The following PRR11 variants were observed in gnomAD, a reference collection of about 807,000 sequenced individuals.
PRR11 encodes proline rich 11.
PRR11 carries 30 observed loss-of-function variants against 45.6 expected under a neutral mutation model. The ratio of observed to expected loss-of-function variants is 0.66; its 90% CI spans 0.49 to 0.89. The LOEUF (loss-of-function observed/expected upper bound fraction) is 0.89. Ranked by LOEUF, PRR11 falls within the 40% of genes least tolerant of loss-of-function variation. The pLI is 0.00. For synonymous variants in PRR11, 128 were observed against 153.5 expected (o/e 0.83, Z 1.23); for missense variants, 373 against 424.8 (o/e 0.88, Z 1.07).
chr17:59,175,192 C>G, intron 2 of PRR11: 1 of 479,408 alleles, frequency 2.1e-6, no homozygotes, highest in Non-Finnish European at 3.9e-6. Flanking sequence ...CTGAGGTCAG[C>G]TTCCCAGAGA....
intron 2 of PRR11, 50 bp downstream of exon 2, chr17:59,169,930 TAAGATA>T: frequency 6.5e-7 from 1 of 1,527,794 alleles, no homozygotes; most frequent in Non-Finnish European, 8.8e-7. Flanking sequence ...CTGATCAGTT[TAAGATA>T]GAGTTTCAGA....
chr17:59,165,401 A>G, intron 1 of PRR11, among the ~76,000 whole-genome samples: 1 of 152,114 alleles, frequency 6.6e-6, no homozygotes, highest in Non-Finnish European at 1.5e-5. Context: ...CAGTGGCACA[A>G]TAATAGTTCA....
At chr17:59,172,545 G>A (rs926144370) in intron 2 of PRR11, among the ~76,000 whole-genome samples, 4 of 152,242 alleles carry the variant, frequency 2.6e-5, no homozygotes, top group African/African-American at 9.6e-5. Flanking sequence ...GGCGGGAACC[G>A]GGGCTGCGCG....
chr17:59,176,542 G>A (rs2046746791), intron 2 of PRR11, among the ~76,000 whole-genome samples: 1 of 152,050 alleles, frequency 6.6e-6, no homozygotes, highest in Non-Finnish European at 1.5e-5. Flanking sequence ...GAGAGAGACA[G>A]AAGAACCAGA....
rs10221241 is a variant in PRR11 at position 59,176,175 on chromosome 17, G to A, written c.128+6295G>A. On this transcript the variant is annotated intron_variant, in intron 2 of 9. Transcript: ENST00000262293. ...GGACACCCAGACAGAAAACACAAAC[G>A]CAAAGTCGAGTGGAGGGCATTTGGA... Among the ~76,000 whole-genome samples the A allele has an allele frequency of 3.3e-5, 5 of 152,110 alleles. 1 individual carries two copies. Among genetic ancestry groups the A allele is most frequent in the African/African-American group, 7.2e-5 (3 of 41,416 alleles).
rs1290991251 is a variant in PRR11, at chr17:59,206,103, A to T, written c.*4472A>T. Among the ~76,000 whole-genome samples the T allele has an allele frequency of 6.6e-6, 1 of 152,120 alleles. No homozygotes were observed. The highest frequency in any genetic ancestry group is 1.5e-5 in the Non-Finnish European group (1 of 68,022). Reference sequence around the variant, plus strand: ...GCTTTATGGCCCAGTGCAGTGGCTCACACCTATAATCCTAGCACTTTGGGA... The same window carrying T: ...GCTTTATGGCCCAGTGCAGTGGCTCTCACCTATAATCCTAGCACTTTGGGA... On this transcript the variant is annotated 3_prime_UTR_variant, in exon 10 of 10. Transcript: ENST00000262293.
chr17:59,196,254 A>C (rs551274798), intron 7 of PRR11, among the ~76,000 whole-genome samples: 1 of 152,196 alleles, frequency 6.6e-6, no homozygotes, highest in Non-Finnish European at 1.5e-5. Flanking sequence ...GGGAAAAACT[A>C]TATCTACAAT....
chr17:59,182,114 G>T (rs148908510), intron 2 of PRR11, among the ~76,000 whole-genome samples: 2 of 150,426 alleles, frequency 1.3e-5, no homozygotes, highest in Non-Finnish European at 3.0e-5. Flanking sequence ...TGCAACATCT[G>T]TCTCCCGGAT....
chr17:59,157,707 C>T (rs1330797701), intron 1 of PRR11, among the ~76,000 whole-genome samples: 1 of 150,352 alleles, frequency 6.7e-6, no homozygotes, highest in Non-Finnish European at 1.5e-5. Context: ...GTCCACCCCC[C>T]CAAAAAAAAA....
intron 2 of PRR11, among the ~76,000 whole-genome samples, chr17:59,173,483 A>C (rs183992837): frequency 6.6e-6 from 1 of 152,324 alleles, no homozygotes; most frequent in Non-Finnish European, 1.5e-5. Flanking sequence ...TTCTGAAGCC[A>C]GTGAGACCAC....
rs1179179039 is a variant in PRR11 at position 59,202,646 on chromosome 17, G to A, written c.*1015G>A. 6.6e-6 allele frequency: 1 copy of A among 152,094 alleles called. No individual in the cohort carries two copies. The highest frequency in any genetic ancestry group is 1.5e-5 in the Non-Finnish European group (1 of 68,018). The allele number at this position is 152,094 out of a possible 1,614,324, so 9.4% of individuals were successfully genotyped here. On this transcript the variant is annotated 3_prime_UTR_variant, in exon 10 of 10. Transcript: ENST00000262293. The stretch of plus-strand genomic sequence containing the variant: ...TTATATCTGGCTTACAGAAGTCTAA[G>A]GTATTCCTTATTTTTATATCTGCTG...
intron 1 of PRR11, among the ~76,000 whole-genome samples, chr17:59,169,270 G>T (rs1419692089): frequency 6.6e-6 from 1 of 151,682 alleles, no homozygotes; most frequent in Non-Finnish European, 1.5e-5. Context: ...GGCTGATTTT[G>T]TATTTTTAGT....
chr17:59,191,701 C>T (rs536068531), intron 4 of PRR11, among the ~76,000 whole-genome samples: 3 of 152,108 alleles, frequency 2.0e-5, no homozygotes, highest in African/African-American at 7.2e-5. Flanking sequence ...GCCTGTATTA[C>T]ATTACCCCTC....
intron 1 of PRR11, among the ~76,000 whole-genome samples, chr17:59,165,309 C>T (rs532130966): frequency 2.0e-5 from 3 of 151,864 alleles, no homozygotes; most frequent in African/African-American, 2.4e-5. Flanking sequence ...CGTGAGCCAC[C>T]GCGCGTCCGG....
At chr17:59,194,599 A>G (rs2147854670) in intron 5 of PRR11, among the ~76,000 whole-genome samples, 158 bp from the exon 6 acceptor site, 1 of 152,292 alleles carries the variant, frequency 6.6e-6, no homozygotes, top group East Asian at 1.9e-4. Context: ...GGTGATAAAA[A>G]TACGATTATT....
chr17:59,169,740 C>G lies in PRR11; in HGVS notation c.-5-8C>G. 6.4e-7 allele frequency: 1 copy of G among 1,571,698 alleles called. No individual in the cohort carries two copies. The highest frequency in any genetic ancestry group is 8.6e-7 in the Non-Finnish European group (1 of 1,167,694). ...TTCAATTAAAAATGTAAAAAAATTT[C>G]TCTGCAGAAATCATGCCCAAGTTCA... On this transcript the variant is annotated splice_polypyrimidine_tract_variant and splice_region_variant and intron_variant, in intron 1 of 9. Transcript: ENST00000262293.
At chr17:59,171,034 C>T (rs540073586) in intron 2 of PRR11, among the ~76,000 whole-genome samples, 3 of 151,900 alleles carry the variant, frequency 2.0e-5, no homozygotes, top group East Asian at 1.9e-4. Flanking sequence ...CCGAGGCGGG[C>T]GGATCATGAG....
intron 1 of PRR11, chr17:59,163,691 C>T (rs527337135): frequency 1.3e-5 from 2 of 152,224 alleles, no homozygotes; most frequent in South Asian, 2.1e-4. Context: ...TTTTATAGAG[C>T]TTGTGAGCTA....
At position 59,202,483 on chromosome 17, in the gene PRR11, T is replaced by C. The variant is rs912703181; in HGVS notation, c.*852T>C. 6.6e-6 allele frequency: 1 copy of C among 152,096 alleles called. No individual in the cohort carries two copies. Among genetic ancestry groups the C allele is most frequent in the Non-Finnish European group, 1.5e-5 (1 of 68,026 alleles). 9.4% of individuals were successfully genotyped at this position (152,096 alleles called of 1,614,324 possible). Reference sequence around the variant, plus strand: ...TAGGAAGCTGAGAAGGGAGGATCACTTGAGGCTGTAGTGCACTATAATTAT... The same window carrying C: ...TAGGAAGCTGAGAAGGGAGGATCACCTGAGGCTGTAGTGCACTATAATTAT... On this transcript the variant is annotated 3_prime_UTR_variant, in exon 10 of 10. Transcript: ENST00000262293.
Sources: gnomAD v4.1 joint callset for allele counts (sites outside exome capture counted in the v4.1 genomes callset) on GRCh38, gnomAD v4.1.1 for gene constraint, MANE v1.5 for transcripts, NCBI Gene and HGNC (gene_info 2026-07-23, HGNC 2026-07-21) for gene names.